PTPRD: variants seen among roughly 807,000 people sequenced by gnomAD.
PTPRD encodes receptor-type tyrosine-protein phosphatase delta.
A neutral mutation model predicts 214.5 loss-of-function variants in PTPRD; 34 were observed. That is an observed-to-expected ratio of 0.16 (90% CI 0.12 to 0.21). The LOEUF (loss-of-function observed/expected upper bound fraction) is 0.21, where lower values mean the gene tolerates loss of function less well. Ranked by LOEUF, PTPRD falls within the 10% of genes least tolerant of loss-of-function variation. The pLI is 1.00. For missense variants in PTPRD, 2,545 were observed against 2,398.7 expected (o/e 1.06, Z -1.27); for synonymous variants, 1,128 against 845.7 (o/e 1.33, Z -5.79).
At chr9:8,457,904 C>T (rs1206112968) in intron 33 of PTPRD, among the ~76,000 whole-genome samples, 1 of 152,064 alleles carries the variant, frequency 6.6e-6, no homozygotes, top group East Asian at 1.9e-4. Context: ...TAACTTTGCT[C>T]AGAATCCAAG....
chr9:10,081,003 G>T (rs564750023), intron 3 of PTPRD, among the ~76,000 whole-genome samples: 5 of 152,056 alleles, frequency 3.3e-5, no homozygotes, highest in African/African-American at 9.6e-5. Context: ...CATCATTTGA[G>T]TAAATTATAA....
intron 3 of PTPRD, among the ~76,000 whole-genome samples, chr9:10,086,655 A>G (rs2098343068): frequency 6.6e-6 from 1 of 151,776 alleles, no homozygotes; most frequent in South Asian, 2.1e-4. Context: ...CCTATGTCTA[A>G]TTATATAGGC....
At chr9:8,499,916 T>C in intron 24 of PTPRD, 76 bp from the exon 25 acceptor site, 1 of 1,301,842 alleles carries the variant, frequency 7.7e-7, no homozygotes, top group Admixed American at 2.7e-5. Context: ...GCATTTTCTT[T>C]ACTTAGGTTT....
chr9:8,646,863 G>A (rs980863857), intron 12 of PTPRD, among the ~76,000 whole-genome samples: 1 of 152,086 alleles, frequency 6.6e-6, no homozygotes, highest in African/African-American at 2.4e-5. Context: ...CTTGGTAAAG[G>A]CTGTCCCAGA....
intron 7 of PTPRD, among the ~76,000 whole-genome samples, chr9:9,604,779 C>A (rs1484519453): frequency 6.6e-6 from 1 of 151,820 alleles, no homozygotes; most frequent in East Asian, 1.9e-4. Flanking sequence ...TAAAAGTTTA[C>A]ATTTTTGTTT....
chr9:9,816,805 A>T (rs752135413), intron 5 of PTPRD, among the ~76,000 whole-genome samples: 1 of 152,048 alleles, frequency 6.6e-6, no homozygotes, highest in Non-Finnish European at 1.5e-5. Context: ...TGGAAAAAAA[A>T]TCCTTCAATA....
intron 8 of PTPRD, among the ~76,000 whole-genome samples, chr9:9,514,046 T>C (rs1003262123): frequency 2.0e-5 from 3 of 152,066 alleles, no homozygotes; most frequent in Non-Finnish European, 4.4e-5. Context: ...CAAGTCCGAA[T>C]CTGTGCTAAG....
At chr9:9,153,593 T>C (rs533021247) in intron 10 of PTPRD, among the ~76,000 whole-genome samples, 1 of 152,358 alleles carries the variant, frequency 6.6e-6, no homozygotes, top group South Asian at 2.1e-4. Context: ...TTATTAATGG[T>C]AAACAGTGAT....
At chr9:9,772,379 A>G (rs1486084156) in intron 5 of PTPRD, among the ~76,000 whole-genome samples, 1 of 152,226 alleles carries the variant, frequency 6.6e-6, no homozygotes, top group Non-Finnish European at 1.5e-5. Context: ...CAGTTCTAGT[A>G]AACTAATACA....
chr9:10,176,707 T>A (rs1013205990), intron 3 of PTPRD, among the ~76,000 whole-genome samples: 4 of 151,994 alleles, frequency 2.6e-5, no homozygotes, highest in Non-Finnish European at 5.9e-5. Context: ...CTCAACCATG[T>A]TTATGAGCCG....
Position 9,808,638 on chromosome 9 carries a change from T to A in PTPRD, c.-367-41787A>T, listed in dbSNP as rs565405959. On this transcript the variant is annotated intron_variant, in intron 5 of 45. Transcript: ENST00000381196. ...AACTTGCTTATCCCATTCAGTTTTT[T>A]AAATAAAATCGTTTAAAAGATAATG... Among the ~76,000 whole-genome samples the A allele has an allele frequency of 3.9e-5, 6 of 152,302 alleles. No individual in the cohort carries two copies. In the East Asian group the frequency reaches 9.6e-4, roughly 24 times the overall value.
chr9:9,686,568 CT>C (rs1463916457), intron 7 of PTPRD, among the ~76,000 whole-genome samples: 1 of 151,440 alleles, frequency 6.6e-6, no homozygotes, highest in East Asian at 1.9e-4. Context: ...TTTGTGGTGG[CT>C]AATAGGAAGG....
intron 5 of PTPRD, among the ~76,000 whole-genome samples, chr9:9,887,863 C>T (rs1035214689): frequency 6.6e-6 from 1 of 151,992 alleles, no homozygotes; most frequent in Non-Finnish European, 1.5e-5. Flanking sequence ...TATTCCATTA[C>T]CTGAAAAACA....
At chr9:9,105,238 A>G (rs1440978473) in intron 10 of PTPRD, among the ~76,000 whole-genome samples, 4 of 152,170 alleles carry the variant, frequency 2.6e-5, no homozygotes, top group Non-Finnish European at 5.9e-5. Flanking sequence ...AGGTGGCCTT[A>G]TTCAACTCCA....
intron 7 of PTPRD, among the ~76,000 whole-genome samples, chr9:9,667,491 T>C (rs946305374): frequency 1.3e-5 from 2 of 152,150 alleles, no homozygotes; most frequent in Admixed American, 6.6e-5. Context: ...TTACAAATTA[T>C]ACAGCAGTAA....
At chr9:10,539,455 G>C (rs576540675) in intron 2 of PTPRD, among the ~76,000 whole-genome samples, 1 of 152,340 alleles carries the variant, frequency 6.6e-6, no homozygotes, top group South Asian at 2.1e-4. Context: ...AAAGTGCTGG[G>C]ATTACAGGCG....
chr9:10,420,539 T>C (rs1262430720), intron 2 of PTPRD, among the ~76,000 whole-genome samples: 5 of 151,740 alleles, frequency 3.3e-5, no homozygotes, highest in Admixed American at 3.3e-4. Context: ...TTATTAGTCC[T>C]TTAAGGTACA....
intron 4 of PTPRD, among the ~76,000 whole-genome samples, chr9:10,017,298 T>C (rs912314366): frequency 6.6e-6 from 1 of 152,190 alleles, no homozygotes; most frequent in Non-Finnish European, 1.5e-5. Flanking sequence ...TTTATCTTTT[T>C]TTTTATCAAT....
chr9:10,464,363 G>C (rs528293095), intron 2 of PTPRD, among the ~76,000 whole-genome samples: 78 of 151,770 alleles, frequency 5.1e-4, no homozygotes, highest in African/African-American at 1.8e-3. Context: ...CTGAGCGATG[G>C]AGTGAGACAC....
Sources: allele counts gnomAD v4.1 joint callset (sites outside exome capture counted in the v4.1 genomes callset), GRCh38; gene constraint gnomAD v4.1.1; transcripts MANE v1.5; gene names NCBI Gene and HGNC (gene_info 2026-07-23, HGNC 2026-07-21).